The following C1orf87 variants were observed in gnomAD, a reference collection of about 807,000 sequenced individuals.
C1orf87 encodes the protein chromosome 1 open reading frame 87.
In C1orf87, 58 loss-of-function variants were observed where a neutral mutation model predicts 60.5. That is an observed-to-expected ratio of 0.96 (90% confidence interval 0.78 to 1.19). C1orf87 has a LOEUF of 1.19. Ranked by LOEUF, C1orf87 falls within the 50% of genes most tolerant of loss-of-function variation. C1orf87 has a pLI of 0.00. For missense variants in C1orf87, 673 were observed against 638.6 expected, an observed-to-expected ratio of 1.05 and a Z score of -0.58; for synonymous variants, 236 against 227.4, an observed-to-expected ratio of 1.04 and a Z score of -0.34.
intron 2 of C1orf87, among the ~76,000 whole-genome samples, chr1:60,063,829 G>A (rs1645513467): frequency 6.6e-6 from 1 of 152,116 alleles, no homozygotes; most frequent in Non-Finnish European, 1.5e-5. Flanking sequence ...CTCCTGGTGA[G>A]GGATGGTGTT....
At chr1:60,000,396 G>C (rs1644993641) in intron 10 of C1orf87, among the ~76,000 whole-genome samples, 1 of 152,098 alleles carries the variant, frequency 6.6e-6, no homozygotes, top group African/African-American at 2.4e-5. Flanking sequence ...GTTGTTTCTT[G>C]CATGGCAAGA....
At chr1:60,051,319 T>G (rs1165429763) in intron 3 of C1orf87, among the ~76,000 whole-genome samples, 1 of 152,222 alleles carries the variant, frequency 6.6e-6, no homozygotes, top group African/African-American at 2.4e-5. Context: ...TATATATCCC[T>G]GCCCCATTCA....
At chr1:60,010,788 T>G (rs990623824) in intron 8 of C1orf87, 1 of 172,698 alleles carries the variant, frequency 5.8e-6, no homozygotes, top group African/African-American at 2.4e-5. Flanking sequence ...CAGTACAAAT[T>G]GCTTTCTGGC....
At position 60,010,372 on chromosome 1, in the gene C1orf87, A is replaced by T; in HGVS notation, c.1192+20T>A. On this transcript the variant is annotated intron_variant, in intron 9 of 11. Transcript: ENST00000371201. ...GAAAAATGGAAGGTCTCTCTGGAGC[A>T]AAAAAATAATGGAACTCACCTGTAG... 6.2e-7 allele frequency: 1 copy of T among 1,604,316 alleles called. No individual in the cohort carries two copies.
At chr1:60,011,334 T>C (rs1318009574) in intron 8 of C1orf87, among the ~76,000 whole-genome samples, 1 of 152,052 alleles carries the variant, frequency 6.6e-6, no homozygotes, top group Non-Finnish European at 1.5e-5. Flanking sequence ...GAATACAGTA[T>C]GGATGGGACT....
At chr1:60,000,994 G>A in intron 10 of C1orf87, 83 bp downstream of exon 10, 2 of 1,135,186 alleles carry the variant, frequency 1.8e-6, no homozygotes, top group Non-Finnish European at 2.6e-6. Flanking sequence ...AAACCCACAG[G>A]AGAGAGCCCC....
At chr1:59,992,244 T>G (rs1240784611) in intron 11 of C1orf87, among the ~76,000 whole-genome samples, 2 of 149,668 alleles carry the variant, frequency 1.3e-5, no homozygotes, top group Non-Finnish European at 3.0e-5. Flanking sequence ...ATTTATTTAT[T>G]TATTTATTTA....
chr1:60,071,153 A>T (rs1481738824), intron 2 of C1orf87, among the ~76,000 whole-genome samples: 1 of 152,196 alleles, frequency 6.6e-6, no homozygotes, highest in Non-Finnish European at 1.5e-5. Flanking sequence ...TATAAAAGGG[A>T]CATCAAACAT....
chr1:60,024,377 T>A (rs1645184519), intron 8 of C1orf87, among the ~76,000 whole-genome samples: 1 of 152,212 alleles, frequency 6.6e-6, no homozygotes, highest in African/African-American at 2.4e-5. Flanking sequence ...TTTTAAGGTT[T>A]CTACTCAATG....
chr1:60,054,874 C>A (rs1488599652), intron 3 of C1orf87, among the ~76,000 whole-genome samples: 1 of 152,182 alleles, frequency 6.6e-6, no homozygotes, highest in East Asian at 1.9e-4. Flanking sequence ...CAGACTCTTA[C>A]CCTCCAACAC....
chr1:60,012,952 C>T (rs554946413), intron 8 of C1orf87, among the ~76,000 whole-genome samples: 18 of 152,212 alleles, frequency 1.2e-4, no homozygotes, highest in South Asian at 4.1e-4. Flanking sequence ...TGTCTTCTGA[C>T]ATTTATTTTT....
chr1:60,040,316 T>G lies in C1orf87; in HGVS notation c.484-136A>C, dbSNP rs1645313041. ...CCTGGCCTGGAGCAGGACAAGTCTGTGGCACTGAAGGTGAGCATTCAATCT... is the reference window on the plus strand; with the variant it reads ...CCTGGCCTGGAGCAGGACAAGTCTGGGGCACTGAAGGTGAGCATTCAATCT... On this transcript the variant is annotated intron_variant, in intron 4 of 11. Coordinates refer to ENST00000371201, the MANE Select transcript of C1orf87 (RefSeq NM_152377.3). 3.7e-6 allele frequency: 4 copies of G among 1,093,830 alleles called. No homozygotes were observed. In the Admixed American group the frequency reaches 7.6e-5, roughly 21 times the overall value. 67.8% of individuals were successfully genotyped at this position (1,093,830 alleles called of 1,614,324 possible).
At chr1:60,070,774 G>A (rs1305687295) in intron 2 of C1orf87, among the ~76,000 whole-genome samples, 2 of 151,912 alleles carry the variant, frequency 1.3e-5, no homozygotes, top group Admixed American at 6.6e-5. Flanking sequence ...TTTATTTCTT[G>A]GTTCCTGAAG....
intron 3 of C1orf87, among the ~76,000 whole-genome samples, chr1:60,054,504 T>C (rs1645438501): frequency 6.6e-6 from 1 of 152,256 alleles, no homozygotes; most frequent in South Asian, 2.1e-4. Context: ...TTTACTAAAA[T>C]ATCTGGCTGT....
chr1:60,021,979 G>C (rs1245884241), intron 8 of C1orf87, among the ~76,000 whole-genome samples: 1 of 152,112 alleles, frequency 6.6e-6, no homozygotes, highest in East Asian at 1.9e-4. Flanking sequence ...TCAAAAGATA[G>C]GTGTTAAGGT....
At chr1:60,029,101 A>G (rs1169963062) in intron 7 of C1orf87, among the ~76,000 whole-genome samples, 1 of 151,992 alleles carries the variant, frequency 6.6e-6, no homozygotes, top group Non-Finnish European at 1.5e-5. Flanking sequence ...ACCCCTCTCA[A>G]TTATTCCTTT....
intron 2 of C1orf87, among the ~76,000 whole-genome samples, chr1:60,067,227 G>A (rs946658047): frequency 2.6e-5 from 4 of 152,132 alleles, no homozygotes; most frequent in African/African-American, 9.7e-5. Flanking sequence ...CTAAATCCTT[G>A]AGGAATCACC....
In C1orf87 at chr1:60,025,457, C is replaced by T. The variant is rs1204948104; in HGVS notation, c.1071G>A (p.Leu357=). Residue 357 remains leucine, a synonymous_variant, in exon 8 of 12, where the codon CTG becomes CTA. Transcript: ENST00000371201. ...ICGKHGLYLT[L]SLLETLLNHQ... ...GGTTAAGCAATGTTTCCAGCAGGCT[C>T]AGGGTCAGATATAATCCATGCTTCC... 2 of 1,613,282 alleles carry T rather than the reference C, an allele frequency of 1.2e-6. No homozygotes were observed. Among genetic ancestry groups the T allele is most frequent in the South Asian group, 1.1e-5 (1 of 90,972 alleles).
chr1:59,990,997 C>T (rs1047676023), intron 11 of C1orf87, among the ~76,000 whole-genome samples, 164 bp from the exon 12 acceptor site: 2 of 152,104 alleles, frequency 1.3e-5, no homozygotes, highest in Non-Finnish European at 2.9e-5. Context: ...ATATTTATAG[C>T]TGTGGGTATG....
Sources: gnomAD v4.1 joint callset for allele counts (sites outside exome capture counted in the v4.1 genomes callset) on GRCh38, gnomAD v4.1.1 for gene constraint, MANE v1.5 for transcripts, NCBI Gene and HGNC (gene_info 2026-07-23, HGNC 2026-07-21) for gene names.